The following GREB1L variants were observed in gnomAD, a reference collection of about 807,000 sequenced individuals.
GREB1L encodes the protein GREB1 like retinoic acid receptor coactivator.
Under a neutral mutation model 200.8 loss-of-function variants are expected in GREB1L, and 17 were observed. The ratio of observed to expected loss-of-function variants is 0.08; its 90% CI spans 0.06 to 0.13. GREB1L has a LOEUF of 0.13. Among genes scored for constraint, GREB1L ranks in the 10% least tolerant of loss-of-function variants. The pLI is 1.00. For missense variants in GREB1L, 1,657 were observed against 2,367.7 expected, an observed-to-expected ratio of 0.70 and a Z score of 6.23; for synonymous variants, 789 against 893.0, an observed-to-expected ratio of 0.88 and a Z score of 2.08.
chr18:21,416,974 C>T (rs1598796221), intron 7 of GREB1L, among the ~76,000 whole-genome samples: 1 of 151,048 alleles, frequency 6.6e-6, no homozygotes, highest in African/African-American at 2.4e-5. Flanking sequence ...GAGCTGAGAT[C>T]ATGCCACTGT....
intron 15 of GREB1L, among the ~76,000 whole-genome samples, chr18:21,467,835 T>C (rs2035319503): frequency 1.3e-5 from 2 of 152,060 alleles, no homozygotes; most frequent in Admixed American, 6.5e-5. Flanking sequence ...GCATTCTGGC[T>C]AACACAGTGA....
At chr18:21,314,117 G>A (rs1032043337) in intron 1 of GREB1L, among the ~76,000 whole-genome samples, 4 of 152,164 alleles carry the variant, frequency 2.6e-5, no homozygotes, top group African/African-American at 9.7e-5. Flanking sequence ...TATTTGTCTT[G>A]CCTGTTCACC....
Position 21,520,702 on chromosome 18 carries a change from T to C in GREB1L, c.5487T>C (p.Tyr1829=), listed in dbSNP as rs1470173167. The stretch of plus-strand genomic sequence containing the variant: ...GATGATTTCAGGTGGCCATATGCTA[T>C]ATCAGCTCCAGACCCCACTCCAGCA... ...LNIGPEVAIC[Y]ISSRPHSSNV... is the part of the protein sequence containing the mutation. The change falls in exon 32 of 33, where the codon TAT becomes TAC. Residue 1829 remains tyrosine, a synonymous_variant. Transcript: ENST00000424526. 3.9e-6 allele frequency: 6 copies of C among 1,551,702 alleles called. No individual in the cohort carries two copies. The highest frequency in any genetic ancestry group is 2.4e-5 in the East Asian group (1 of 40,918).
At chr18:21,512,636 G>A (rs945850259) in intron 27 of GREB1L, among the ~76,000 whole-genome samples, 8 of 151,890 alleles carry the variant, frequency 5.3e-5, no homozygotes, top group African/African-American at 1.7e-4. Context: ...CTCTTTGGTT[G>A]CCTTTTATTT....
At position 21,304,517 on chromosome 18, in the gene GREB1L, A is replaced by T. The variant is rs77877722; in HGVS notation, c.-119-61510A>T. 7.1e-4 allele frequency among the ~76,000 whole-genome samples: 105 copies of T among 148,696 alleles called. 1 individual carries two copies. In the East Asian group the frequency reaches 0.016, roughly 23 times the overall value. Reference sequence around the variant, plus strand: ...TTACTATTTTTCATTTGGATTATTTAAAAAAAAAAGTACGTGTGACCTTTC... The same window carrying T: ...TTACTATTTTTCATTTGGATTATTTTAAAAAAAAAGTACGTGTGACCTTTC... On this transcript the variant is annotated intron_variant, in intron 1 of 32. Coordinates refer to ENST00000424526, the MANE Select transcript of GREB1L (RefSeq NM_001142966.3).
chr18:21,321,364 G>A (rs534385535), intron 1 of GREB1L, among the ~76,000 whole-genome samples: 1 of 151,972 alleles, frequency 6.6e-6, no homozygotes, highest in Non-Finnish European at 1.5e-5. Context: ...TCAACAGATT[G>A]AAAATACTGT....
At chr18:21,377,155 AT>A (rs1445443884) in intron 2 of GREB1L, among the ~76,000 whole-genome samples, 1 of 152,086 alleles carries the variant, frequency 6.6e-6, no homozygotes, top group Non-Finnish European at 1.5e-5. Context: ...TTTCTGCTCT[AT>A]CCTTTTCCCT....
At chr18:21,262,870 C>T (rs981384017) in intron 1 of GREB1L, among the ~76,000 whole-genome samples, 3 of 152,112 alleles carry the variant, frequency 2.0e-5, no homozygotes, top group Non-Finnish European at 4.4e-5. Context: ...TTAATCATTT[C>T]GTCTGCTAAA....
intron 15 of GREB1L, among the ~76,000 whole-genome samples, chr18:21,461,628 C>G (rs1252240437): frequency 6.6e-6 from 1 of 152,212 alleles, no homozygotes; most frequent in African/African-American, 2.4e-5. Context: ...CATGCTCCTT[C>G]CCAGCTTTTC....
At chr18:21,284,895 AT>A (rs1355928330) in intron 1 of GREB1L, among the ~76,000 whole-genome samples, 2 of 152,032 alleles carry the variant, frequency 1.3e-5, no homozygotes. Context: ...GTAGTATCCC[AT>A]TGTGGGTTTG....
intron 16 of GREB1L, among the ~76,000 whole-genome samples, chr18:21,473,577 A>C (rs2145691123): frequency 6.8e-6 from 1 of 146,646 alleles, no homozygotes; most frequent in Middle Eastern, 3.4e-3. Context: ...TCAAAAAAAA[A>C]AAAAAAAAAA....
At chr18:21,246,161 G>A (rs1041428782) in intron 1 of GREB1L, among the ~76,000 whole-genome samples, 3 of 151,890 alleles carry the variant, frequency 2.0e-5, no homozygotes, top group African/African-American at 7.3e-5. Flanking sequence ...GAGGTTGTGG[G>A]TTTAAACCTA....
chr18:21,317,223 G>GATTA (rs1194354960), intron 1 of GREB1L, among the ~76,000 whole-genome samples: 2 of 150,036 alleles, frequency 1.3e-5, no homozygotes, highest in Admixed American at 6.6e-5. Flanking sequence ...TCAATCAATG[G>GATTA]ATTAATCAAT....
chr18:21,518,831 CCTA>C (rs2037515768), intron 31 of GREB1L, among the ~76,000 whole-genome samples: 1 of 152,082 alleles, frequency 6.6e-6, no homozygotes, highest in South Asian at 2.1e-4. Context: ...CCTCCAGGCT[CCTA>C]CTACTAAGCT....
intron 15 of GREB1L, among the ~76,000 whole-genome samples, chr18:21,472,799 C>T (rs2035534932): frequency 6.6e-6 from 1 of 152,072 alleles, no homozygotes; most frequent in Non-Finnish European, 1.5e-5. Flanking sequence ...AGAATGTTCC[C>T]TGTATTTGTG....
intron 7 of GREB1L, among the ~76,000 whole-genome samples, chr18:21,413,811 T>C (rs1296417840): frequency 6.6e-6 from 1 of 152,130 alleles, no homozygotes; most frequent in Non-Finnish European, 1.5e-5. Context: ...TGCAACCCCT[T>C]AGTAAGCATG....
chr18:21,439,176 TTCTC>T (rs2033750103), intron 7 of GREB1L, among the ~76,000 whole-genome samples: 1 of 152,054 alleles, frequency 6.6e-6, no homozygotes, highest in Non-Finnish European at 1.5e-5. Context: ...TATTATCCTA[TTCTC>T]TCTACTTTTC....
chr18:21,493,060 G>T (rs2036403000), intron 19 of GREB1L, among the ~76,000 whole-genome samples: 1 of 152,046 alleles, frequency 6.6e-6, no homozygotes, highest in African/African-American at 2.4e-5. Context: ...GATCATGTTG[G>T]GATGTTCACA....
At chr18:21,517,373 T>C (rs1350746508) in intron 30 of GREB1L, among the ~76,000 whole-genome samples, 4 of 152,230 alleles carry the variant, frequency 2.6e-5, no homozygotes, top group Non-Finnish European at 2.9e-5. Context: ...TACCTTCTTT[T>C]TTTGAGACAG....
Sources: gnomAD v4.1 joint callset for allele counts (sites outside exome capture counted in the v4.1 genomes callset) on GRCh38, gnomAD v4.1.1 for gene constraint, MANE v1.5 for transcripts, NCBI Gene and HGNC (gene_info 2026-07-23, HGNC 2026-07-21) for gene names.